PCDHA1: variants seen among roughly 807,000 people sequenced by gnomAD.
PCDHA1 encodes the protein protocadherin alpha-1.
PCDHA1 carries 42 observed loss-of-function variants against 61.3 expected under a neutral mutation model. The ratio of observed to expected loss-of-function variants is 0.69; its 90% CI spans 0.54 to 0.89. The LOEUF is 0.89. Ranked by LOEUF, PCDHA1 falls within the 40% of genes least tolerant of loss-of-function variation. The pLI, the probability that PCDHA1 is intolerant of heterozygous loss-of-function variation, is 0.00. For missense variants in PCDHA1, 1,256 were observed against 1,235.3 expected (o/e 1.02, Z -0.25); for synonymous variants, 610 against 553.8 (o/e 1.10, Z -1.43).
chr5:140,850,323 G>A (rs2150479672), intron 1 of PCDHA1: 4 of 1,597,370 alleles, frequency 2.5e-6, no homozygotes, highest in Non-Finnish European at 3.4e-6. Context: ...GCTTTCATAC[G>A]AGCTGCAGCC....
At chr5:140,857,747 T>C (rs2150398019) in intron 1 of PCDHA1, 2 of 1,597,058 alleles carry the variant, frequency 1.3e-6, no homozygotes, top group South Asian at 1.1e-5. Context: ...GCTGCTGGCG[T>C]CTCCCGCTGG....
At chr5:140,981,336 G>A (rs1332617891) in intron 2 of PCDHA1, among the ~76,000 whole-genome samples, 1 of 152,188 alleles carries the variant, frequency 6.6e-6, no homozygotes, top group Non-Finnish European at 1.5e-5. Context: ...CACTTTGGGA[G>A]GGTGAGGCAG....
In PCDHA1 at chr5:140,883,441, G is replaced by A. The variant is rs782063932; in HGVS notation, c.2394+94757G>A. 3.1e-6 allele frequency: 5 copies of A among 1,614,130 alleles called. No homozygotes were observed. In the African/African-American group the frequency reaches 4.0e-5, roughly 13 times the overall value. Reference sequence around the variant, plus strand: ...GACAGGTCACCTGCACCTTGACGCCGCATGTCCCCTTCAAGCTGGTGTCCA... The same window carrying A: ...GACAGGTCACCTGCACCTTGACGCCACATGTCCCCTTCAAGCTGGTGTCCA... On this transcript the variant is annotated intron_variant, in intron 1 of 3. Transcript: ENST00000504120.
chr5:140,823,659 C>G (rs1562273954), intron 1 of PCDHA1: 4 of 1,613,984 alleles, frequency 2.5e-6, no homozygotes, highest in East Asian at 4.5e-5. Flanking sequence ...TGTACACAGG[C>G]GAGATCAGCA....
chr5:140,869,504 C>G (rs959374162), intron 1 of PCDHA1: 1 of 1,614,200 alleles, frequency 6.2e-7, no homozygotes, highest in Admixed American at 1.7e-5. Context: ...CCGGTGTTCT[C>G]GCTCAGAGAA....
intron 1 of PCDHA1, chr5:140,852,936 T>A: frequency 1.7e-6 from 1 of 599,096 alleles, no homozygotes; most frequent in Non-Finnish European, 2.2e-6. Flanking sequence ...TGGAGTGCAG[T>A]GGTGCCATCT....
Position 140,968,897 on chromosome 5 carries a change from G to A in PCDHA1, c.2395-10052G>A, listed in dbSNP as rs1554231210. On this transcript the variant is annotated intron_variant, in intron 1 of 3. Transcript: ENST00000504120. The stretch of plus-strand genomic sequence containing the variant: ...TGAAATTACCCTTTATCTAATAATA[G>A]CATTAAGCACAGTGTCTTTTATATT... The A allele has an allele frequency of 3.7e-6, 6 of 1,614,034 alleles. No homozygotes were observed. In the African/African-American group the frequency reaches 4.0e-5, roughly 11 times the overall value.
chr5:140,969,019 G>A (rs782394566), intron 1 of PCDHA1: 61 of 1,614,046 alleles, frequency 3.8e-5, no homozygotes, highest in Non-Finnish European at 4.7e-5. Flanking sequence ...TAAGGGAAAG[G>A]TCCCCTGCAG....
At chr5:140,904,206 C>T (rs2070944708) in intron 1 of PCDHA1, among the ~76,000 whole-genome samples, 1 of 151,882 alleles carries the variant, frequency 6.6e-6, no homozygotes, top group South Asian at 2.1e-4. Flanking sequence ...CCCCTAAGTC[C>T]CCAAAGTCCA....
chr5:140,828,548 C>A (rs2150156612), intron 1 of PCDHA1: 1 of 1,614,200 alleles, frequency 6.2e-7, no homozygotes. Context: ...TTCTGTGTTT[C>A]CACTGGAGGG....
intron 1 of PCDHA1, chr5:140,968,458 T>C: frequency 6.2e-7 from 1 of 1,614,148 alleles, no homozygotes; most frequent in East Asian, 2.2e-5. Flanking sequence ...GCACTGTGAC[T>C]GCCAACGTAT....
At chr5:140,809,780 A>G in intron 1 of PCDHA1, 1 of 516,486 alleles carries the variant, frequency 1.9e-6, no homozygotes, top group Non-Finnish European at 3.3e-6. Flanking sequence ...TTCAATGCAT[A>G]TTAACAGAAC....
intron 1 of PCDHA1, chr5:140,795,585 G>A (rs782599196): frequency 3.1e-6 from 5 of 1,614,070 alleles, no homozygotes; most frequent in Non-Finnish European, 4.2e-6. Context: ...AAACTGCTGA[G>A]GTTAATTTGT....
chr5:140,803,372 G>A, intron 1 of PCDHA1: 1 of 1,614,176 alleles, frequency 6.2e-7, no homozygotes, highest in Non-Finnish European at 8.5e-7. Context: ...GGTGCTCCGC[G>A]CCGCCAACCG....
intron 1 of PCDHA1, chr5:140,863,098 A>C (rs781829362): frequency 1.7e-6 from 1 of 578,270 alleles, no homozygotes; most frequent in Non-Finnish European, 3.4e-6. Context: ...CACGACGAGT[A>C]CCCTGGACGA....
intron 1 of PCDHA1, chr5:140,882,688 A>G: frequency 1.2e-6 from 2 of 1,614,196 alleles, no homozygotes; most frequent in Non-Finnish European, 8.5e-7. Flanking sequence ...AGAAACGAAT[A>G]ATCATTGCAG....
chr5:140,848,596 C>T (rs2150413733), intron 1 of PCDHA1: 2 of 1,594,204 alleles, frequency 1.3e-6, no homozygotes, highest in East Asian at 2.2e-5. Flanking sequence ...CTCCACTACT[C>T]CGTCCCGGAG....
At chr5:140,794,843 C>T (rs1761883357) in intron 1 of PCDHA1, 1 of 1,090,596 alleles carries the variant, frequency 9.2e-7, no homozygotes, top group East Asian at 2.5e-5. Context: ...TACCCAGAGC[C>T]CCTTTGTTAC....
chr5:140,968,150 A>C, intron 1 of PCDHA1: 1 of 1,614,180 alleles, frequency 6.2e-7, no homozygotes. Context: ...GATCTCTGAC[A>C]TCAATGACAA....
Sources: allele counts gnomAD v4.1 joint callset (sites outside exome capture counted in the v4.1 genomes callset), GRCh38; gene constraint gnomAD v4.1.1; transcripts MANE v1.5; gene names NCBI Gene and HGNC (gene_info 2026-07-23, HGNC 2026-07-21).